The following BBS4 variants were observed in gnomAD, a reference collection of about 807,000 sequenced individuals.
The protein encoded by BBS4 is Bardet-Biedl syndrome 4.
In BBS4, 58 loss-of-function variants were observed where a neutral mutation model predicts 71.4. The ratio of observed to expected loss-of-function variants is 0.81; its 90% CI spans 0.66 to 1.01. The LOEUF (loss-of-function observed/expected upper bound fraction) is 1.01. Among genes scored for constraint, BBS4 ranks in the 50% least tolerant of loss-of-function variants. The pLI is 0.00. For missense variants in BBS4, 660 were observed against 607.9 expected (o/e 1.09, Z -0.90); for synonymous variants, 228 against 216.8 (o/e 1.05, Z -0.46).
intron 4 of BBS4, 55 bp from the exon 5 acceptor site, chr15:72,715,236 C>T: frequency 7.4e-7 from 1 of 1,349,860 alleles, no homozygotes; most frequent in Admixed American, 1.7e-5. Flanking sequence ...ACCCCAGGCT[C>T]CATTCTTCCC....
At chr15:72,736,189 A>G (rs1595953912) in intron 14 of BBS4, among the ~76,000 whole-genome samples, 2 of 151,486 alleles carry the variant, frequency 1.3e-5, no homozygotes, top group Non-Finnish European at 2.9e-5. Context: ...TGCTAATTCA[A>G]CTCATCAAAG....
At chr15:72,687,409 T>G (rs992906883) in intron 1 of BBS4, among the ~76,000 whole-genome samples, 38 of 150,736 alleles carry the variant, frequency 2.5e-4, no homozygotes, top group African/African-American at 9.3e-4. Context: ...TTTGAGACCA[T>G]CCTGGCCAAC....
At chr15:72,711,332 A>G (rs919983464) in intron 3 of BBS4, among the ~76,000 whole-genome samples, 1 of 151,340 alleles carries the variant, frequency 6.6e-6, no homozygotes, top group Non-Finnish European at 1.5e-5. Flanking sequence ...TGTTTTTAGT[A>G]GAGATGGGGT....
intron 6 of BBS4, among the ~76,000 whole-genome samples, chr15:72,719,852 C>T (rs1444226104): frequency 2.7e-5 from 4 of 150,294 alleles, no homozygotes; most frequent in South Asian, 2.1e-4. Flanking sequence ...TGGGTTCAAG[C>T]GATTCTCCTC....
chr15:72,694,365 A>G (rs1409405206), intron 1 of BBS4, among the ~76,000 whole-genome samples: 1 of 151,538 alleles, frequency 6.6e-6, no homozygotes, highest in Non-Finnish European at 1.5e-5. Flanking sequence ...TAATTTTTGT[A>G]TATTTAGTAG....
intron 6 of BBS4, among the ~76,000 whole-genome samples, chr15:72,719,560 G>A (rs1431938259): frequency 6.6e-6 from 1 of 151,830 alleles, no homozygotes; most frequent in Admixed American, 6.6e-5. Flanking sequence ...GAAGGACTGA[G>A]CAGAAGAAGA....
intron 2 of BBS4, among the ~76,000 whole-genome samples, chr15:72,700,943 A>C (rs2065159020): frequency 6.6e-6 from 1 of 152,220 alleles, no homozygotes; most frequent in Admixed American, 6.5e-5. Context: ...AATTTGGCTC[A>C]ATCAGTAATT....
intron 14 of BBS4, among the ~76,000 whole-genome samples, chr15:72,736,205 G>T (rs1021588529): frequency 1.3e-5 from 2 of 150,306 alleles, no homozygotes; most frequent in Admixed American, 1.3e-4. Flanking sequence ...CAAAGTTGAG[G>T]TCTGTGTCTG....
chr15:72,686,211 C>T lies in BBS4; in HGVS notation c.-17C>T, dbSNP rs56368716. ...AAACCGCCGACTTCCGGCCGCGCAGCGGTGGGCTGAGCTAAAATGGCTGAG... is the reference window on the plus strand; with the variant it reads ...AAACCGCCGACTTCCGGCCGCGCAGTGGTGGGCTGAGCTAAAATGGCTGAG... On this transcript the variant is annotated 5_prime_UTR_variant, in exon 1 of 16. Transcript: ENST00000268057. 116,560 of 1,558,082 alleles carry T rather than the reference C, an allele frequency of 0.075. 5,064 individuals carry two copies. The highest frequency in any genetic ancestry group is 0.087 in the Middle Eastern group (395 of 4,562).
At chr15:72,689,745 T>A (rs2064947984) in intron 1 of BBS4, among the ~76,000 whole-genome samples, 2 of 151,794 alleles carry the variant, frequency 1.3e-5, no homozygotes, top group South Asian at 4.1e-4. Flanking sequence ...AATGAGCAAC[T>A]AACTCTGGCT....
At chr15:72,718,788 G>A (rs965968161) in intron 6 of BBS4, among the ~76,000 whole-genome samples, 5 of 152,162 alleles carry the variant, frequency 3.3e-5, no homozygotes, top group Admixed American at 2.6e-4. Flanking sequence ...AATGAAGGAA[G>A]AAGAGCAAGG....
intron 6 of BBS4, among the ~76,000 whole-genome samples, chr15:72,722,002 G>T (rs1423002439): frequency 5.9e-5 from 9 of 152,278 alleles, no homozygotes; most frequent in Admixed American, 3.9e-4. Context: ...TAGATCAAAG[G>T]TTGGCAAACT....
chr15:72,686,755 A>T (rs1055572414), intron 1 of BBS4: 1 of 381,848 alleles, frequency 2.6e-6, no homozygotes, highest in Non-Finnish European at 5.0e-6. Flanking sequence ...ACTCCACAGA[A>T]CTGCTAATAT....
chr15:72,736,837 G>A lies in BBS4; in HGVS notation c.1324G>A (p.Asp442Asn), dbSNP rs960944955. The stretch of plus-strand genomic sequence containing the variant: ...ACTGGTCTGGACCAAACCAGTTAAA[G>A]ATCCCAAATCAAAGCACCAGACCAC... ...EALVWTKPVK[D>N]PKSKHQTTST... Residue 442 changes from aspartate (D) to asparagine (N), a missense_variant, in exon 15 of 16, where the codon GAT becomes AAT. Coordinates refer to ENST00000268057, the MANE Select transcript of BBS4 (RefSeq NM_033028.5). 2 of 1,614,180 alleles carry A rather than the reference G, an allele frequency of 1.2e-6. No homozygotes were observed. The highest frequency in any genetic ancestry group is 1.3e-5 in the African/African-American group (1 of 75,040).
At position 72,695,199 on chromosome 15, in the gene BBS4, C is replaced by A; in HGVS notation, c.47C>A (p.Thr16Asn). ...CAGAGAACTCAATTTCCTGTATCTA[C>A]TGAGTCTCAAAAACCCCGGCAGAAA... ...VATRTQFPVS[T>N]ESQKPRQKKA... The change falls in exon 2 of 16, where the codon ACT becomes AAT. Residue 16 changes from threonine to asparagine, a missense_variant. Coordinates refer to ENST00000268057, the MANE Select transcript of BBS4 (RefSeq NM_033028.5). The A allele has an allele frequency of 1.9e-6, 3 of 1,606,616 alleles. No individual in the cohort carries two copies. Among genetic ancestry groups the A allele is most frequent in the Non-Finnish European group, 2.6e-6 (3 of 1,173,446 alleles).
rs543644919 is a variant in BBS4, at chr15:72,704,882, A to AAAAAC, written c.77-4793_77-4789dup. 4.9e-3 allele frequency among the ~76,000 whole-genome samples: 753 copies of AAAAAC among 152,168 alleles called. 5 individuals are homozygous for AAAAAC. The highest frequency in any genetic ancestry group is 0.016 in the African/African-American group (676 of 41,482). On this transcript the variant is annotated intron_variant, in intron 2 of 15. Coordinates refer to ENST00000268057, the MANE Select transcript of BBS4 (RefSeq NM_033028.5). ...ATGACAGAACTCGACTCCATCTCAA[A>AAAAAC]AAAACAAAACAAAACAAAACAAAAC...
At chr15:72,720,537 C>T (rs1329127522) in intron 6 of BBS4, among the ~76,000 whole-genome samples, 2 of 151,382 alleles carry the variant, frequency 1.3e-5, no homozygotes, top group Non-Finnish European at 2.9e-5. Flanking sequence ...TTCTTGGACT[C>T]ATCAGGGTAT....
At chr15:72,710,754 A>C (rs1338726487) in intron 3 of BBS4, among the ~76,000 whole-genome samples, 1 of 151,890 alleles carries the variant, frequency 6.6e-6, no homozygotes, top group Non-Finnish European at 1.5e-5. Flanking sequence ...AATGCACAGA[A>C]CTAATTCATA....
chr15:72,733,135 A>T (rs1453945631), intron 12 of BBS4, among the ~76,000 whole-genome samples: 1 of 152,124 alleles, frequency 6.6e-6, no homozygotes, highest in Non-Finnish European at 1.5e-5. Context: ...AGGGTCAGTA[A>T]GGCCCCAGAT....
Sources: allele counts gnomAD v4.1 joint callset (sites outside exome capture counted in the v4.1 genomes callset), GRCh38; gene constraint gnomAD v4.1.1; transcripts MANE v1.5; gene names NCBI Gene and HGNC (gene_info 2026-07-23, HGNC 2026-07-21).